The following WNK3 variants were observed in gnomAD, a reference collection of about 807,000 sequenced individuals.
WNK3 encodes the protein serine/threonine-protein kinase WNK3.
In WNK3, 18 loss-of-function variants were observed where a neutral mutation model predicts 116.7. That is an observed-to-expected ratio of 0.15 (90% CI 0.11 to 0.23). WNK3 has a LOEUF of 0.23. Ranked by LOEUF, WNK3 falls within the 10% of genes least tolerant of loss-of-function variation. The probability of loss-of-function intolerance (pLI) is 1.00; values close to 1 mark genes in which losing one functional copy is unlikely to be tolerated. For missense variants in WNK3, 993 were observed against 1,323.8 expected, an observed-to-expected ratio of 0.75 and a Z score of 3.88; for synonymous variants, 404 against 469.4, an observed-to-expected ratio of 0.86 and a Z score of 1.80.
chrX:54,239,222 A>G, intron 17 of WNK3, 123 bp from the exon 18 acceptor site: 1 of 477,565 alleles, frequency 2.1e-6, no homozygotes. Context: ...AAAAAAACGG[A>G]ATTTCTTGTA....
At chrX:54,295,908 C>T (rs1334371525) in intron 7 of WNK3, among the ~76,000 whole-genome samples, 1 of 110,933 alleles carries the variant, frequency 9.0e-6, no homozygotes, top group Non-Finnish European at 1.9e-5. Flanking sequence ...GCTTTGGTCT[C>T]GAACTCCTGG....
In WNK3 at chrX:54,333,355, C is replaced by G. The variant is rs781835029; in HGVS notation, c.319G>C (p.Glu107Gln). 4 of 1,207,886 alleles carry G rather than the reference C, an allele frequency of 3.3e-6. No individual in the cohort carries two copies. In the East Asian group the frequency reaches 1.2e-4, roughly 36 times the overall value. The stretch of plus-strand genomic sequence containing the variant: ...TCTGAGGTTGACTTTGAACACTGTT[C>G]ATATTTAACTTCTTGTCCACCTCTC... The change falls in exon 2 of 24, where the codon GAA (glutamate) becomes CAA (glutamine). Residue 107 changes from glutamate to glutamine, a missense_variant. Physicochemically the swap from Glu to Gln is conservative, Grantham distance 29 (BLOSUM62 2). Around this residue, in one of 4 missense-constraint regions of WNK3, gnomAD observed 92 missense variants for 98.7 expected, o/e 0.93. Transcript: ENST00000354646.
At chrX:54,271,071 G>A (rs1459391696) in intron 10 of WNK3, among the ~76,000 whole-genome samples, 4 of 111,847 alleles carry the variant, frequency 3.6e-5, no homozygotes, top group East Asian at 5.6e-4. Context: ...GAGCCACTGC[G>A]CCCAGCCTAA....
intron 10 of WNK3, among the ~76,000 whole-genome samples, chrX:54,269,174 A>G (rs782239460): frequency 9.0e-6 from 1 of 111,462 alleles, no homozygotes; most frequent in Non-Finnish European, 1.9e-5. Flanking sequence ...AAAAAAAACA[A>G]CTGGCCTCTG....
intron 23 of WNK3, among the ~76,000 whole-genome samples, 177 bp from the exon 24 acceptor site, chrX:54,198,830 C>T (rs782563712): frequency 1.1e-4 from 12 of 110,264 alleles, no homozygotes; most frequent in Non-Finnish European, 2.1e-4. Flanking sequence ...TTTTGGAGCA[C>T]CTTTCTGTGT....
intron 22 of WNK3, among the ~76,000 whole-genome samples, chrX:54,203,465 G>T (rs2067521044): frequency 9.0e-6 from 1 of 111,404 alleles, no homozygotes; most frequent in African/African-American, 3.3e-5. Flanking sequence ...ATGTGTTATG[G>T]TACTTCTTTT....
chrX:54,244,020 G>A lies in WNK3; in HGVS notation c.3651+4677C>T, dbSNP rs1280731370. ...TGGTTCCATTTATATGAAATATCTA[G>A]CATAAGCAAATCTATACTGACAGAA... On this transcript the variant is annotated intron_variant, in intron 17 of 23. Transcript: ENST00000354646. Among the ~76,000 whole-genome samples, 3 of 111,862 alleles carry A rather than the reference G, an allele frequency of 2.7e-5. No individual in the cohort carries two copies. The East Asian group carries it at 8.4e-4, about 31-fold the overall frequency.
At chrX:54,232,239 T>A (rs2067910155) in intron 21 of WNK3, among the ~76,000 whole-genome samples, 2 of 109,056 alleles carry the variant, frequency 1.8e-5, no homozygotes, top group Admixed American at 2.0e-4. Context: ...CTTCCAGGGT[T>A]CAAGCAATTC....
chrX:54,323,789 T>C (rs1415503005), intron 2 of WNK3, among the ~76,000 whole-genome samples: 1 of 111,207 alleles, frequency 9.0e-6, no homozygotes, highest in Non-Finnish European at 1.9e-5. Flanking sequence ...TTTGTGAAAA[T>C]GAGGCCTGTG....
At chrX:54,227,581 T>C (rs1430207067) in intron 22 of WNK3, among the ~76,000 whole-genome samples, 2 of 111,900 alleles carry the variant, frequency 1.8e-5, no homozygotes, top group Non-Finnish European at 3.8e-5. Flanking sequence ...CCTACATATC[T>C]ATCCAAGAGA....
intron 22 of WNK3, among the ~76,000 whole-genome samples, chrX:54,215,455 T>A (rs1442555506): frequency 2.7e-5 from 3 of 112,686 alleles, no homozygotes; most frequent in Non-Finnish European, 3.8e-5. Flanking sequence ...CCTCCCGAGG[T>A]GCCGGGATTG....
intron 10 of WNK3, among the ~76,000 whole-genome samples, chrX:54,260,099 C>T (rs373260790): frequency 9.0e-6 from 1 of 111,540 alleles, no homozygotes. Context: ...TTTGAAGCCA[C>T]GCTAAACTGT....
intron 2 of WNK3, among the ~76,000 whole-genome samples, chrX:54,332,793 C>T (rs1037087779): frequency 9.6e-6 from 1 of 104,484 alleles, no homozygotes; most frequent in African/African-American, 3.5e-5. Flanking sequence ...GAGGCTGAGG[C>T]GGCAGAGGTT....
rs782318683 is a variant in WNK3, at chrX:54,249,587, T to C, written c.2761A>G (p.Thr921Ala). 3 of 1,211,096 alleles carry C rather than the reference T, an allele frequency of 2.5e-6. No homozygotes were observed. In the South Asian group the frequency reaches 5.3e-5, roughly 21 times the overall value. ...CGGTGGCATGGATTATTTTCTATAG[T>C]GAGCAATGTGTCCCGTGATATTTCC... Residue 921 changes from threonine to alanine, a missense_variant, in exon 17 of 24, where the codon ACT (threonine) becomes GCT (alanine). By Grantham distance (58) the Thr-to-Ala change is moderately conservative. This residue lies in a region of WNK3 where 836 missense variants were observed against 976.5 expected (regional missense o/e 0.86). Transcript: ENST00000354646.
chrX:54,342,131 G>A (rs2069334443), intron 1 of WNK3, among the ~76,000 whole-genome samples: 1 of 110,878 alleles, frequency 9.0e-6, no homozygotes, highest in Admixed American at 9.7e-5. Flanking sequence ...AGCTGGGCAC[G>A]GTGGTCCACG....
intron 22 of WNK3, among the ~76,000 whole-genome samples, chrX:54,228,270 A>G (rs931176804): frequency 8.9e-6 from 1 of 112,188 alleles, no homozygotes; most frequent in East Asian, 2.8e-4. Flanking sequence ...TGAGGTGATG[A>G]AAGTGTTCTA....
At chrX:54,207,395 CAT>C (rs1364284817) in intron 22 of WNK3, among the ~76,000 whole-genome samples, 4 of 111,025 alleles carry the variant, frequency 3.6e-5, no homozygotes, top group East Asian at 2.8e-4. Flanking sequence ...TTGAAAGTTA[CAT>C]GTCTTTCTTG....
intron 1 of WNK3, among the ~76,000 whole-genome samples, chrX:54,349,827 C>CCT (rs2069489407): frequency 9.0e-6 from 1 of 111,542 alleles, no homozygotes; most frequent in South Asian, 3.8e-4. Context: ...CTGCAGTGAA[C>CCT]TATGACCATG....
Position 54,249,651 on chromosome X carries a change from G to C in WNK3, c.2714-17C>G. The C allele has an allele frequency of 8.5e-7, 1 of 1,181,035 alleles. No homozygotes were observed. Among genetic ancestry groups the C allele is most frequent in the Middle Eastern group, 2.4e-4 (1 of 4,237 alleles). On this transcript the variant is annotated splice_polypyrimidine_tract_variant and intron_variant, in intron 16 of 23. Transcript: ENST00000354646. ...TTTTTGGACCTGGAACAATAATAAAGAATGGCTAAGCACGTACTGACGAGT... is the reference window on the plus strand; with the variant it reads ...TTTTTGGACCTGGAACAATAATAAACAATGGCTAAGCACGTACTGACGAGT...
Sources: allele counts gnomAD v4.1 joint callset (sites outside exome capture counted in the v4.1 genomes callset), GRCh38; gene constraint gnomAD v4.1.1; regional missense constraint gnomAD v4.1.1; transcripts MANE v1.5; gene names NCBI Gene and HGNC (gene_info 2026-07-23, HGNC 2026-07-21).